Variants in SPACA6 observed in about 807,000 individuals in gnomAD.
SPACA6 encodes the protein sperm acrosome membrane-associated protein 6.
For synonymous variants in SPACA6, 6 were observed against 1.5 expected, an observed-to-expected ratio of 4.05 and a Z score of -2.21; for missense variants, 8 against 2.8, an observed-to-expected ratio of 2.88 and a Z score of -1.34.
At chr19:51,702,997 A>T (rs2083481703) in intron 4 of SPACA6, 24 bp from the exon 5 acceptor site, 1 of 399,094 alleles carries the variant, frequency 2.5e-6, no homozygotes, top group African/African-American at 2.1e-5. Flanking sequence ...GGTGGCGCCT[A>T]GACCCAGCGT....
chr19:51,710,566 G>A (rs2083537050), intron 2 of SPACA6, among the ~76,000 whole-genome samples: 1 of 152,202 alleles, frequency 6.6e-6, no homozygotes, highest in Admixed American at 6.5e-5. Flanking sequence ...AAGTAGAAAT[G>A]TCTTGGAGGC....
chr19:51,710,922 A>G (rs1438188021), intron 2 of SPACA6, among the ~76,000 whole-genome samples: 2 of 152,180 alleles, frequency 1.3e-5, no homozygotes, highest in Non-Finnish European at 2.9e-5. Context: ...TCTACTAAAA[A>G]TACAAAAATC....
the SPACA6 span, among the ~76,000 whole-genome samples, chr19:51,682,706 T>C: frequency 6.6e-6 from 1 of 152,212 alleles, no homozygotes; most frequent in South Asian, 2.1e-4. Context: ...ATTGGTTTTC[T>C]AGGGCTGTTG....
downstream of SPACA6, among the ~76,000 whole-genome samples, chr19:51,707,078 A>G (rs1187113463): frequency 6.6e-6 from 1 of 152,190 alleles, no homozygotes; most frequent in East Asian, 1.9e-4. Context: ...TCATTCAGCA[A>G]ATATTTATTG....
In SPACA6 at chr19:51,693,573, C is replaced by T. The variant is rs1347502169; in HGVS notation, c.47C>T (p.Ala16Val). ...AGTGCCGTCCCGTCTGCCCTGCTGG[C>T]CCTGGCTGTCTTCAGGGTGCCCGCC... ...LASAVPSALL[A>V]LAVFRVPAWA... Residue 16 changes from alanine to valine, a missense_variant, in exon 1 of 9, where the codon GCC (alanine) becomes GTC (valine). Physicochemically the swap from Ala to Val is moderately conservative, Grantham distance 64. Coordinates refer to ENST00000637797, the MANE Select transcript of SPACA6 (RefSeq NM_001316972.2). 2 of 442,376 alleles carry T rather than the reference C, an allele frequency of 4.5e-6. No individual in the cohort carries two copies. The highest frequency in any genetic ancestry group is 8.1e-6 in the Non-Finnish European group (2 of 245,428). The allele number at this position is 442,376 out of a possible 1,614,324, so 27.4% of individuals were successfully genotyped here.
At chr19:51,698,676 A>G (rs1400345026) in intron 2 of SPACA6, among the ~76,000 whole-genome samples, 3 of 152,174 alleles carry the variant, frequency 2.0e-5, no homozygotes, top group African/African-American at 7.2e-5. Context: ...GTGTATATCC[A>G]GTGATCATTG....
chr19:51,711,312 G>C (rs558421948), intron 2 of SPACA6, among the ~76,000 whole-genome samples: 114 of 152,212 alleles, frequency 7.5e-4, no homozygotes, highest in Non-Finnish European at 1.2e-3. Context: ...TTAGTCATTA[G>C]AGAAGGGCAA....
chr19:51,703,730 TGAGGCTGCAGTG>T lies in SPACA6; in HGVS notation c.574-299_574-288del, dbSNP rs1331427172. ...GGAAGACTGCTTAAGTCCAGGAGTT[TGAGGCTGCAGTG>T]AGCTATGATCGCGCCACTGCACTGC... On this transcript the variant is annotated intron_variant, in intron 6 of 8. Coordinates refer to ENST00000637797, the MANE Select transcript of SPACA6 (RefSeq NM_001316972.2). The surrounding 1 kb of genome is among the most constrained non-coding windows in gnomAD (Gnocchi z 4.2). Among the ~76,000 whole-genome samples the T allele has an allele frequency of 6.6e-6, 1 of 151,920 alleles. No individual in the cohort carries two copies.
chr19:51,694,434 G>A lies in SPACA6; in HGVS notation c.215-44G>A, dbSNP rs544288417. The A allele has an allele frequency of 1.0e-4, 40 of 398,990 alleles. 2 individuals are homozygous for A. Among genetic ancestry groups the A allele is most frequent in the Admixed American group, 4.0e-4 (9 of 22,684 alleles). The allele number at this position is 398,990 out of a possible 1,614,324, so 24.7% of individuals were successfully genotyped here. A position where few individuals can be genotyped will look rare whatever the true frequency, so the allele number is the denominator to read the frequency against. Reference sequence around the variant, plus strand: ...GTTCGCATTAGGGACATGGTGTTGCGGGGAGCTGCCTCCCCCAGCCCCTGC... The same window carrying A: ...GTTCGCATTAGGGACATGGTGTTGCAGGGAGCTGCCTCCCCCAGCCCCTGC... On this transcript the variant is annotated intron_variant, in intron 1 of 8. Coordinates refer to ENST00000637797, the MANE Select transcript of SPACA6 (RefSeq NM_001316972.2).
At chr19:51,707,527 A>G (rs565275974), downstream of SPACA6, among the ~76,000 whole-genome samples, 2 of 152,054 alleles carry the variant, frequency 1.3e-5, no homozygotes, top group East Asian at 3.9e-4. Context: ...TGGCCAGAAA[A>G]CTGTTTCTCT....
intron 3 of SPACA6, 100 bp from the exon 4 acceptor site, chr19:51,702,529 T>G (rs2083477157): frequency 2.5e-6 from 1 of 393,258 alleles, no homozygotes; most frequent in African/African-American, 2.1e-5. Flanking sequence ...CCCCGCCCCC[T>G]CGGAGCAATG....
chr19:51,694,966 G>A (rs1422578055), intron 2 of SPACA6, among the ~76,000 whole-genome samples: 1 of 152,100 alleles, frequency 6.6e-6, no homozygotes. Context: ...GCTCAGTGCA[G>A]GGGTTGGGGC....
At chr19:51,702,972 G>A in intron 4 of SPACA6, 49 bp from the exon 5 acceptor site, 1 of 399,178 alleles carries the variant, frequency 2.5e-6, no homozygotes, top group East Asian at 3.6e-5. Flanking sequence ...CAAGGGCCCC[G>A]GGCTTGGAAG....
intron 2 of SPACA6, among the ~76,000 whole-genome samples, chr19:51,700,859 A>T (rs1282472720): frequency 6.6e-6 from 1 of 152,174 alleles, no homozygotes; most frequent in Admixed American, 6.5e-5. Flanking sequence ...GGAGAAGGAA[A>T]AATGTGCTAA....
At chr19:51,692,341 G>A (rs904998609), upstream of SPACA6, among the ~76,000 whole-genome samples, 14 of 152,194 alleles carry the variant, frequency 9.2e-5, no homozygotes, top group African/African-American at 2.9e-4. The surrounding 1 kb of genome is among the most constrained non-coding windows in gnomAD (Gnocchi z 5.6). Context: ...GGACTCCTGG[G>A]TCTCTGGGGA....
In SPACA6 at chr19:51,693,721, C is replaced by T; in HGVS notation, c.195C>T (p.Gly65=). Residue 65 remains glycine, a synonymous_variant, in exon 1 of 9, where the codon GGC becomes GGT. Coordinates refer to ENST00000637797, the MANE Select transcript of SPACA6 (RefSeq NM_001316972.2). The stretch of plus-strand genomic sequence containing the variant: ...AGGCCTTCACGGCCGCCTTCCAGGG[C>T]CTCTCTGACACCGAAATCAGTGAGG... The part of the protein sequence containing the change: ...CEEAFTAAFQ[G]LSDTEINYDE... The T allele has an allele frequency of 2.5e-6, 1 of 406,900 alleles. No individual in the cohort carries two copies. Among genetic ancestry groups the T allele is most frequent in the East Asian group, 3.5e-5 (1 of 28,328 alleles). The allele number at this position is 406,900 out of a possible 1,614,324, so 25.2% of individuals were successfully genotyped here.
At chr19:51,711,475 G>T (rs2083541085) in intron 2 of SPACA6, among the ~76,000 whole-genome samples, 1 of 152,146 alleles carries the variant, frequency 6.6e-6, no homozygotes. Context: ...TGCAAAACAG[G>T]CTAGCAGTTC....
At chr19:51,706,446 T>G (rs1171342266), downstream of SPACA6, among the ~76,000 whole-genome samples, 2 of 152,132 alleles carry the variant, frequency 1.3e-5, no homozygotes, top group African/African-American at 4.8e-5. Flanking sequence ...CCAGCCCCAG[T>G]GGCCTCCTTA....
intron 2 of SPACA6, among the ~76,000 whole-genome samples, chr19:51,694,867 G>A (rs532393041): frequency 1.3e-5 from 2 of 152,230 alleles, no homozygotes; most frequent in African/African-American, 4.8e-5. Flanking sequence ...TGGCTATGAA[G>A]TTCTGGGTGT....
Sources: allele counts gnomAD v4.1 joint callset (sites outside exome capture counted in the v4.1 genomes callset), GRCh38; gene constraint gnomAD v4.1.1; non-coding constraint Gnocchi (gnomAD v3.1); transcripts MANE v1.5; gene names NCBI Gene and HGNC (gene_info 2026-07-23, HGNC 2026-07-21).